The following CASKIN2 variants were observed in gnomAD, a reference collection of about 807,000 sequenced individuals.
CASKIN2 encodes the protein caskin-2.
A neutral mutation model predicts 107.1 loss-of-function variants in CASKIN2; 41 were observed. The ratio of observed to expected loss-of-function variants is 0.38; its 90% CI spans 0.30 to 0.50. CASKIN2 has a LOEUF of 0.50. Ranked by LOEUF, CASKIN2 falls within the 20% of genes least tolerant of loss-of-function variation. CASKIN2 has a pLI of 0.92. For missense variants in CASKIN2, 1,546 were observed against 1,657.4 expected (o/e 0.93, Z 1.17); for synonymous variants, 724 against 705.6 (o/e 1.03, Z -0.41).
intron 2 of CASKIN2, among the ~76,000 whole-genome samples, chr17:75,511,884 C>T (rs540390373): frequency 4.6e-5 from 7 of 150,800 alleles, no homozygotes; most frequent in African/African-American, 1.4e-4. Context: ...GGACCCAGAG[C>T]GGTGAGGCCA....
Position 75,507,630 on chromosome 17 carries a change from G to C in CASKIN2, c.198C>G (p.Ala66=), listed in dbSNP as rs2053279353. ...CAGTGGCCTGAGCCTCTAGCAGCAA[G>C]GCTATGAGCTCCAGGCTGCCCCCCA... ...AALGGSLELI[A]LLLEAQATVD... The change falls in exon 4 of 20, where the codon GCC becomes GCG. Residue 66 remains alanine, a synonymous_variant. Coordinates refer to ENST00000321617, the MANE Select transcript of CASKIN2 (RefSeq NM_020753.5). 1.9e-6 allele frequency: 3 copies of C among 1,613,252 alleles called. No individual in the cohort carries two copies. The highest frequency in any genetic ancestry group is 1.7e-6 in the Non-Finnish European group (2 of 1,179,732).
intron 15 of CASKIN2, 35 bp downstream of exon 15, chr17:75,503,817 C>T: frequency 1.2e-6 from 2 of 1,611,140 alleles, no homozygotes; most frequent in Admixed American, 1.7e-5. Context: ...CCCTCCCCCG[C>T]CCGCTGGGTG....
At chr17:75,504,524 G>A (rs1050625587) in intron 12 of CASKIN2, 44 bp from the exon 13 acceptor site, 5 of 1,596,042 alleles carry the variant, frequency 3.1e-6, no homozygotes, top group Non-Finnish European at 4.3e-6. Context: ...TTGGGGAACT[G>A]GCAGTGGGGA....
Position 75,506,079 on chromosome 17 carries a change from C to G in CASKIN2, c.727-150G>C. On this transcript the variant is annotated intron_variant, in intron 8 of 19. Transcript: ENST00000321617. This position sits in a 1 kb window ranked among gnomAD's most constrained non-coding sequence, Gnocchi z 4.8. ...TCAGGGACTCAGTCAAGGACAAGCT[C>G]AAGTTCACTCAGCTAGTAAGAGGCA... 2.6e-6 allele frequency: 2 copies of G among 770,544 alleles called. No homozygotes were observed. The highest frequency in any genetic ancestry group is 4.2e-6 in the Non-Finnish European group (2 of 478,804). The allele number at this position is 770,544 out of a possible 1,614,324, so 47.7% of individuals were successfully genotyped here. A position where few individuals can be genotyped will look rare whatever the true frequency, so the allele number is the denominator to read the frequency against.
Position 75,503,952 on chromosome 17 carries a change from G to T in CASKIN2, c.1478C>A (p.Ala493Asp). The T allele has an allele frequency of 6.2e-7, 1 of 1,611,770 alleles. No individual in the cohort carries two copies. The highest frequency in any genetic ancestry group is 8.5e-7 in the Non-Finnish European group (1 of 1,179,570). The change falls in exon 15 of 20, where the codon GCC becomes GAC. Residue 493 changes from alanine to aspartate, a missense_variant. Ala to Asp is a moderately radical substitution (Grantham distance 126). Coordinates refer to ENST00000321617, the MANE Select transcript of CASKIN2 (RefSeq NM_020753.5). ...GAACTCGCTTAGCCAGTTATGAATG[G>T]CCTGCGCGTCCTGCGGGGTGGGGGA... ...EQLLEGKDAQ[A>D]IHNWLSEFQL...
rs1234100801 is a variant in CASKIN2, at chr17:75,513,995, C to G, written c.-191G>C. On this transcript the variant is annotated 5_prime_UTR_variant, in exon 2 of 20. Transcript: ENST00000321617. ...GATACTCCCAAAGGTGCTCCGTGAA[C>G]TGCCACCACACGAAGGAAAGCTAAT... 1 of 593,558 alleles carries G rather than the reference C, an allele frequency of 1.7e-6. No homozygotes were observed. The highest frequency in any genetic ancestry group is 3.0e-6 in the Non-Finnish European group (1 of 332,182). 36.8% of individuals were successfully genotyped at this position (593,558 alleles called of 1,614,324 possible). A position where few individuals can be genotyped will look rare whatever the true frequency, so the allele number is the denominator to read the frequency against.
chr17:75,506,912 G>C lies in CASKIN2; in HGVS notation c.391-18C>G. 3 of 1,611,190 alleles carry C rather than the reference G, an allele frequency of 1.9e-6. No homozygotes were observed. Among genetic ancestry groups the C allele is most frequent in the Non-Finnish European group, 2.5e-6 (3 of 1,178,616 alleles). On this transcript the variant is annotated intron_variant, in intron 5 of 19. Transcript: ENST00000321617. The surrounding 1 kb of genome is among the most constrained non-coding windows in gnomAD (Gnocchi z 4.8). ...ATTTCTGACTGGGGTTGGGGGAGCC[G>C]AGTGAGGGGGCCTGGCCTGTCCGGC...
Position 75,506,435 on chromosome 17 carries a change from A to G in CASKIN2, c.618-22T>C. 1 of 1,313,864 alleles carries G rather than the reference A, an allele frequency of 7.6e-7. No individual in the cohort carries two copies. 81.4% of individuals were successfully genotyped at this position (1,313,864 alleles called of 1,614,324 possible). On this transcript the variant is annotated intron_variant, in intron 7 of 19. Coordinates refer to ENST00000321617, the MANE Select transcript of CASKIN2 (RefSeq NM_020753.5). This position sits in a 1 kb window ranked among gnomAD's most constrained non-coding sequence, Gnocchi z 4.8. ...CTGCCTGCAGTGGACGGGGGGAGTC[A>G]CGGGGGAGGTGGCGTAGGAGGGGGT...
Position 75,505,217 on chromosome 17 carries a change from C to A in CASKIN2, c.931-144G>T. ...GCTGGCCTCTGATGCCCACACTGGC[C>A]CAAGTTCCGCCCCTGCTGCCAGCAG... On this transcript the variant is annotated intron_variant, in intron 10 of 19. Coordinates refer to ENST00000321617, the MANE Select transcript of CASKIN2 (RefSeq NM_020753.5). The surrounding 1 kb of genome is among the most constrained non-coding windows in gnomAD (Gnocchi z 5.1). 1.1e-6 allele frequency: 1 copy of A among 908,566 alleles called. No homozygotes were observed. Among genetic ancestry groups the A allele is most frequent in the Non-Finnish European group, 1.7e-6 (1 of 590,842 alleles). 56.3% of individuals were successfully genotyped at this position (908,566 alleles called of 1,614,324 possible).
Position 75,504,595 on chromosome 17 carries a change from C to T in CASKIN2, c.1291G>A (p.Gly431Ser). The T allele has an allele frequency of 6.2e-7, 1 of 1,605,232 alleles. No individual in the cohort carries two copies. Among genetic ancestry groups the T allele is most frequent in the Non-Finnish European group, 8.5e-7 (1 of 1,174,122 alleles). Reference sequence around the variant, plus strand: ...ACCTGGGCGTTCTCAATCAGGAGGCCAGGGCCATGGCCATTAGTGCCCTCA... The same window carrying T: ...ACCTGGGCGTTCTCAATCAGGAGGCTAGGGCCATGGCCATTAGTGCCCTCA... Reference protein sequence around the residue: ...SSEGTNGHGPGLLIENAQPLP... With the variant: ...SSEGTNGHGPSLLIENAQPLP... Residue 431 changes from glycine to serine, a missense_variant, in exon 12 of 20, where the codon GGC (glycine) becomes AGC (serine). This residue lies in a region of CASKIN2 where 1,311 missense variants were observed against 1,311.0 expected (regional missense o/e 1.00). Transcript: ENST00000321617.
Position 75,509,527 on chromosome 17 carries a change from A to G in CASKIN2, c.95-1242T>C, listed in dbSNP as rs1484481824. ...GACACTGTGCCACAAAGGTAAAGAC[A>G]GAGCCAGGGAGGGACAAAGCGCTAA... On this transcript the variant is annotated intron_variant, in intron 2 of 19. Coordinates refer to ENST00000321617, the MANE Select transcript of CASKIN2 (RefSeq NM_020753.5). The G allele has an allele frequency of 4.1e-6, 4 of 974,704 alleles. No individual in the cohort carries two copies. In the East Asian group the frequency reaches 4.6e-4, roughly 111 times the overall value. 60.4% of individuals were successfully genotyped at this position (974,704 alleles called of 1,614,324 possible).
intron 15 of CASKIN2, 38 bp downstream of exon 15, chr17:75,503,814 C>G: frequency 6.2e-7 from 1 of 1,610,746 alleles, no homozygotes; most frequent in Non-Finnish European, 8.5e-7. Context: ...GGGCCCTCCC[C>G]CGCCCGCTGG....
In CASKIN2 at chr17:75,501,536, C is replaced by T; in HGVS notation, c.3450G>A (p.Gln1150=). 6.2e-7 allele frequency: 1 copy of T among 1,612,504 alleles called. No individual in the cohort carries two copies. ...GPGQAQQRLE[Q]TSSSLAAALR... ...GTGCAGCTGCCAGGGACGAGCTGGT[C>T]TGCTCCAGTCTCTGCTGGGCCTGGC... The change falls in exon 19 of 20, where the codon CAG becomes CAA. Residue 1150 remains glutamine (Q), a synonymous_variant. Transcript: ENST00000321617.
chr17:75,511,425 T>C (rs1017478283), intron 2 of CASKIN2, among the ~76,000 whole-genome samples: 5 of 152,210 alleles, frequency 3.3e-5, no homozygotes, highest in Non-Finnish European at 7.3e-5. Flanking sequence ...CAGCTTTGCC[T>C]CTGCTCTGCC....
chr17:75,505,471 G>A lies in CASKIN2; in HGVS notation c.930+86C>T, dbSNP rs1335936146. ...TGAGGGTGCATATAGAGACCTCAGA[G>A]CAGAACGTGGTAACATAGCAGGTGC... On this transcript the variant is annotated intron_variant, in intron 10 of 19. Transcript: ENST00000321617. This position sits in a 1 kb window ranked among gnomAD's most constrained non-coding sequence, Gnocchi z 5.1. 2.4e-6 allele frequency: 3 copies of A among 1,265,530 alleles called. No individual in the cohort carries two copies. The highest frequency in any genetic ancestry group is 3.5e-6 in the Non-Finnish European group (3 of 865,202). The allele number at this position is 1,265,530 out of a possible 1,614,324, so 78.4% of individuals were successfully genotyped here. A position where few individuals can be genotyped will look rare whatever the true frequency, so the allele number is the denominator to read the frequency against.
In CASKIN2 at chr17:75,504,510, G is replaced by A. The variant is rs372033879; in HGVS notation, c.1315-30C>T. 17 of 1,596,918 alleles carry A rather than the reference G, an allele frequency of 1.1e-5. 1 individual carries two copies. The highest frequency in any genetic ancestry group is 1.5e-5 in the Non-Finnish European group (17 of 1,167,056). ...AGGAGACAGGGCAGGAGCCAACTCA[G>A]CATTTGGGGAACTGGCAGTGGGGAG... On this transcript the variant is annotated intron_variant, in intron 12 of 19. Coordinates refer to ENST00000321617, the MANE Select transcript of CASKIN2 (RefSeq NM_020753.5).
chr17:75,506,281 G>A lies in CASKIN2; in HGVS notation c.726+24C>T, dbSNP rs762525978. 9.6e-6 allele frequency: 15 copies of A among 1,564,440 alleles called. No individual in the cohort carries two copies. The highest frequency in any genetic ancestry group is 3.4e-4 in the Middle Eastern group (2 of 5,918). ...GGGCAGAGGCTCCATGGACACCTGC[G>A]AGGGAGCAGGGGCCCATACCCACCT... On this transcript the variant is annotated intron_variant, in intron 8 of 19. Coordinates refer to ENST00000321617, the MANE Select transcript of CASKIN2 (RefSeq NM_020753.5). The surrounding 1 kb of genome is among the most constrained non-coding windows in gnomAD (Gnocchi z 4.8).
In CASKIN2 at chr17:75,501,794, TGAG is replaced by T. The variant is rs763724142; in HGVS notation, c.3277_3279del (p.Leu1093del). 2.3e-5 allele frequency: 36 copies of T among 1,537,676 alleles called. No individual in the cohort carries two copies. Among genetic ancestry groups the T allele is most frequent in the Admixed American group, 1.4e-4 (7 of 49,040 alleles). ...CCCCTCTTACCTGCTCCGGGCACCT[TGAG>T]GAGGGCAGCAGGGGCGGCCGGGGGT... On this transcript the variant is annotated inframe_deletion, in exon 18 of 20. Coordinates refer to ENST00000321617, the MANE Select transcript of CASKIN2 (RefSeq NM_020753.5).
rs750004882 is a variant in CASKIN2 at position 75,504,508 on chromosome 17, C to T, written c.1315-28G>A. 48 of 1,597,382 alleles carry T rather than the reference C, an allele frequency of 3.0e-5. 1 individual carries two copies. The South Asian group carries it at 4.6e-4, about 15-fold the overall frequency. ...GGAGGAGACAGGGCAGGAGCCAACT[C>T]AGCATTTGGGGAACTGGCAGTGGGG... is the stretch of plus-strand genomic sequence containing the variant. On this transcript the variant is annotated intron_variant, in intron 12 of 19. Coordinates refer to ENST00000321617, the MANE Select transcript of CASKIN2 (RefSeq NM_020753.5).
Sources: gnomAD v4.1 joint callset for allele counts (sites outside exome capture counted in the v4.1 genomes callset) on GRCh38, gnomAD v4.1.1 for gene constraint, gnomAD v4.1.1 regional missense constraint, Gnocchi (gnomAD v3.1) non-coding constraint, MANE v1.5 for transcripts, NCBI Gene and HGNC (gene_info 2026-07-23, HGNC 2026-07-21) for gene names.